Variants in SLC16A10 observed in about 807,000 individuals in gnomAD.
SLC16A10 encodes solute carrier family 16 member 10, also known as monocarboxylate transporter 10.
In SLC16A10, 27 loss-of-function variants were observed where a neutral mutation model predicts 40.0. The observed-to-expected ratio is 0.67, with a 90% CI of 0.50 to 0.93. The LOEUF (loss-of-function observed/expected upper bound fraction) is 0.93, where lower values mean the gene tolerates loss of function less well. Among genes scored for constraint, SLC16A10 ranks in the 40% least tolerant of loss-of-function variants. The pLI is 0.00. For synonymous variants in SLC16A10, 213 were observed against 249.8 expected (o/e 0.85, Z 1.39); for missense variants, 529 against 658.2 (o/e 0.80, Z 2.15).
At chr6:111,089,658 G>A (rs1239030035) in intron 1 of SLC16A10, among the ~76,000 whole-genome samples, 11 of 152,088 alleles carry the variant, frequency 7.2e-5, no homozygotes, top group South Asian at 2.1e-4. Context: ...GTTTAGCAGG[G>A]GAGATATGCA....
intron 2 of SLC16A10, among the ~76,000 whole-genome samples, chr6:111,175,907 G>C (rs1772677030): frequency 6.6e-6 from 1 of 151,602 alleles, no homozygotes; most frequent in Admixed American, 6.6e-5. Flanking sequence ...ATGGGGTTTT[G>C]CTATGTTGCC....
At chr6:111,187,247 T>G (rs1340273946) in intron 3 of SLC16A10, among the ~76,000 whole-genome samples, 1 of 152,194 alleles carries the variant, frequency 6.6e-6, no homozygotes, top group Non-Finnish European at 1.5e-5. Context: ...AGGACCACTG[T>G]GTGAAATGGG....
At chr6:111,111,301 C>T (rs537228488) in intron 1 of SLC16A10, among the ~76,000 whole-genome samples, 1 of 152,132 alleles carries the variant, frequency 6.6e-6, no homozygotes, top group East Asian at 1.9e-4. Flanking sequence ...ATGTATATGT[C>T]ATACATAACA....
At chr6:111,188,340 GAATGCTTTGCTACTTTGCAC>G (rs1036105225) in intron 3 of SLC16A10, among the ~76,000 whole-genome samples, 11 of 149,672 alleles carry the variant, frequency 7.3e-5, no homozygotes, top group South Asian at 2.1e-4. Context: ...TAACTATGCA[GAATGCTTTGCTACTTTGCAC>G]AATGCTTTGC....
In SLC16A10 at chr6:111,172,790, G is replaced by A. The variant is rs148349506; in HGVS notation, c.439G>A (p.Val147Met). ...ATTTGGTTGTCGGAAAACAGCTGTC[G>A]TGGGTGCTGCTGTTGGATTTGTTGG... ...DLFGCRKTAV[V>M]GAAVGFVGLM... The change falls in exon 2 of 6, where the codon GTG (valine) becomes ATG (methionine). Residue 147 changes from valine to methionine, a missense_variant. By Grantham distance (21) the Val-to-Met change is conservative. Transcript: ENST00000368851. The A allele has an allele frequency of 4.6e-5, 74 of 1,614,132 alleles. No homozygotes were observed. The highest frequency in any genetic ancestry group is 4.5e-4 in the East Asian group (20 of 44,882).
At chr6:111,102,269 T>C (rs1050759673) in intron 1 of SLC16A10, among the ~76,000 whole-genome samples, 2 of 152,236 alleles carry the variant, frequency 1.3e-5, no homozygotes, top group East Asian at 1.9e-4. Flanking sequence ...GATTATTCTT[T>C]AGAAAACTTG....
intron 1 of SLC16A10, among the ~76,000 whole-genome samples, chr6:111,155,022 CAAAAAAA>C (rs397888706): frequency 1.9e-5 from 1 of 53,456 alleles, no homozygotes; most frequent in African/African-American, 7.0e-5. Flanking sequence ...GACTCCATCT[CAAAAAAA>C]AAAAAAAAAA....
chr6:111,116,801 T>C (rs1249149021), intron 1 of SLC16A10, among the ~76,000 whole-genome samples: 2 of 152,204 alleles, frequency 1.3e-5, no homozygotes, highest in African/African-American at 4.8e-5. Flanking sequence ...TAAAAATTTT[T>C]GTACTTAATT....
At chr6:111,102,369 A>G (rs567580137) in intron 1 of SLC16A10, among the ~76,000 whole-genome samples, 1 of 152,194 alleles carries the variant, frequency 6.6e-6, no homozygotes, top group Non-Finnish European at 1.5e-5. Flanking sequence ...TGCTAATTTG[A>G]TAAGTACTAA....
intron 1 of SLC16A10, among the ~76,000 whole-genome samples, chr6:111,091,975 T>C (rs916490247): frequency 2.6e-5 from 4 of 152,084 alleles, no homozygotes; most frequent in Non-Finnish European, 4.4e-5. Context: ...CCAGAAGTAA[T>C]AGAATATTTC....
chr6:111,144,272 C>T (rs529972373), intron 1 of SLC16A10, among the ~76,000 whole-genome samples: 12 of 152,266 alleles, frequency 7.9e-5, no homozygotes, highest in Admixed American at 2.0e-4. Flanking sequence ...GGCACGATTT[C>T]GGCTCACTGC....
intron 4 of SLC16A10, among the ~76,000 whole-genome samples, chr6:111,212,806 A>T (rs1415082329): frequency 7.8e-5 from 7 of 90,126 alleles, no homozygotes; most frequent in Admixed American, 1.3e-4. Context: ...AAAATAAAAA[A>T]ATAAAAAAAA....
intron 1 of SLC16A10, among the ~76,000 whole-genome samples, chr6:111,112,101 C>T (rs115083468): frequency 0.057 from 8,694 of 152,100 alleles, 753 homozygotes; most frequent in African/African-American, 0.19. Flanking sequence ...ATGATCATGG[C>T]TCACTATAGC....
At chr6:111,110,400 G>A (rs1242940830) in intron 1 of SLC16A10, among the ~76,000 whole-genome samples, 1 of 151,530 alleles carries the variant, frequency 6.6e-6, no homozygotes, top group African/African-American at 2.4e-5. Context: ...TAAAGAAGGA[G>A]CCTGTAGAGA....
chr6:111,200,979 T>C lies in SLC16A10; in HGVS notation c.943-5613T>C, dbSNP rs950375498. ...AGTGTCCGTATTGGAAAGCAGGAAGTTGAAAGAATCAGTTTGAATTCCATA... is the reference window on the plus strand; with the variant it reads ...AGTGTCCGTATTGGAAAGCAGGAAGCTGAAAGAATCAGTTTGAATTCCATA... On this transcript the variant is annotated intron_variant, in intron 3 of 5. Transcript: ENST00000368851. 3.3e-5 allele frequency among the ~76,000 whole-genome samples: 5 copies of C among 152,230 alleles called. No homozygotes were observed. In the South Asian group the frequency reaches 1.0e-3, roughly 32 times the overall value.
rs554414095 is a variant in SLC16A10, at chr6:111,227,221, T to G, written c.*4986T>G. The G allele has an allele frequency of 1.1e-4, 16 of 152,378 alleles. No homozygotes were observed. Among genetic ancestry groups the G allele is most frequent in the African/African-American group, 3.6e-4 (15 of 41,580 alleles). The allele number at this position is 152,378 out of a possible 1,614,324, so 9.4% of individuals were successfully genotyped here. ...GACTGTCTAGAGCTGAATTTAAGAA[T>G]GGTTCTGGAGCAAATAATAACAAGG... On this transcript the variant is annotated 3_prime_UTR_variant, in exon 6 of 6. Transcript: ENST00000368851.
At chr6:111,161,378 T>C (rs1772369086) in intron 1 of SLC16A10, among the ~76,000 whole-genome samples, 1 of 152,006 alleles carries the variant, frequency 6.6e-6, no homozygotes, top group Non-Finnish European at 1.5e-5. Context: ...TAAAGTGTCT[T>C]CAGCTTGAAG....
In SLC16A10 at chr6:111,198,024, C is replaced by T. The variant is rs1429977695; in HGVS notation, c.943-8568C>T. 5.3e-5 allele frequency among the ~76,000 whole-genome samples: 8 copies of T among 152,172 alleles called. No individual in the cohort carries two copies. The East Asian group carries it at 5.8e-4, about 11-fold the overall frequency. On this transcript the variant is annotated intron_variant, in intron 3 of 5. Transcript: ENST00000368851. ...ATCTTAGGCTGGGCACGGTGGCTCA[C>T]GCCTGTAATCGCAGCACTTTGAGAG... is the stretch of plus-strand genomic sequence containing the variant.
chr6:111,169,123 C>T (rs991679592), intron 1 of SLC16A10, among the ~76,000 whole-genome samples: 6 of 152,236 alleles, frequency 3.9e-5, no homozygotes, highest in Non-Finnish European at 7.4e-5. Flanking sequence ...ACAGAAAGAG[C>T]TATACTGTAA....
Sources: allele counts gnomAD v4.1 joint callset (sites outside exome capture counted in the v4.1 genomes callset), GRCh38; gene constraint gnomAD v4.1.1; transcripts MANE v1.5; gene names NCBI Gene and HGNC (gene_info 2026-07-23, HGNC 2026-07-21).